The following LOC400499 variants were observed in gnomAD, a reference collection of about 807,000 sequenced individuals.
At chr16:11,423,060 G>C in the LOC400499 span, 1 of 398,398 alleles carries the variant, frequency 2.5e-6, no homozygotes, top group African/African-American at 2.1e-5. Flanking sequence ...AGTATCTCCT[G>C]GCAGCGAACT....
chr16:11,525,440 G>A, the LOC400499 span, among the ~76,000 whole-genome samples: 26 of 151,944 alleles, frequency 1.7e-4, no homozygotes, highest in African/African-American at 6.3e-4. Flanking sequence ...TAAATATTTT[G>A]GCACATCTAA....
the LOC400499 span, among the ~76,000 whole-genome samples, chr16:11,372,981 T>C: frequency 1.3e-5 from 2 of 152,162 alleles, no homozygotes; most frequent in Admixed American, 1.3e-4. Flanking sequence ...CTGAGTTCCT[T>C]GGAAATTGAA....
the LOC400499 span, among the ~76,000 whole-genome samples, chr16:11,428,740 C>T: frequency 6.6e-6 from 1 of 152,296 alleles, no homozygotes; most frequent in African/African-American, 2.4e-5. Flanking sequence ...CCCAGTAGGT[C>T]TCAGCCTCAT....
the LOC400499 span, chr16:11,372,639 C>T: frequency 1.7e-6 from 1 of 604,992 alleles, no homozygotes; most frequent in Non-Finnish European, 2.1e-6. Flanking sequence ...TATTCTGTCC[C>T]AGCCATGAAT....
chr16:11,495,730 C>T, the LOC400499 span, among the ~76,000 whole-genome samples: 1 of 152,204 alleles, frequency 6.6e-6, no homozygotes, highest in Non-Finnish European at 1.5e-5. Flanking sequence ...AGCCAGACTG[C>T]TGATAACATG....
chr16:11,433,729 T>C, the LOC400499 span, among the ~76,000 whole-genome samples: 39 of 152,270 alleles, frequency 2.6e-4, no homozygotes, highest in African/African-American at 8.2e-4. Flanking sequence ...TAAGCGGTCA[T>C]GCCCGCATGA....
chr16:11,384,407 T>C, the LOC400499 span: 14 of 734,318 alleles, frequency 1.9e-5, 1 homozygote, highest in African/African-American at 2.2e-4. Flanking sequence ...TCAGGACCTG[T>C]GTGTGAGATG....
chr16:11,460,438 G>C, the LOC400499 span: 8 of 1,492,238 alleles, frequency 5.4e-6, no homozygotes, highest in East Asian at 2.5e-5. Flanking sequence ...CCTGACTCTA[G>C]TGCTCTCTCC....
chr16:11,421,856 C>T, the LOC400499 span, among the ~76,000 whole-genome samples: 1 of 152,148 alleles, frequency 6.6e-6, no homozygotes, highest in South Asian at 2.1e-4. Flanking sequence ...CTTGCAAGCA[C>T]CAATGATTGT....
the LOC400499 span, among the ~76,000 whole-genome samples, chr16:11,517,439 T>A: frequency 6.6e-6 from 1 of 152,148 alleles, no homozygotes; most frequent in Non-Finnish European, 1.5e-5. Flanking sequence ...TTCCCTCCCC[T>A]ACAGATCCCA....
chr16:11,446,837 G>A, the LOC400499 span: 7 of 1,535,958 alleles, frequency 4.6e-6, no homozygotes, highest in Admixed American at 3.9e-5. Flanking sequence ...AGGGAATAGC[G>A]CTGGTGTCGC....
At chr16:11,373,631 A>AT in the LOC400499 span, among the ~76,000 whole-genome samples, 2 of 145,850 alleles carry the variant, frequency 1.4e-5, no homozygotes, top group African/African-American at 5.1e-5. Context: ...AGCTATTTAT[A>AT]TTTTTTGAGA....
chr16:11,384,926 G>A, the LOC400499 span: 11 of 1,232,078 alleles, frequency 8.9e-6, no homozygotes, highest in Middle Eastern at 3.1e-4. Context: ...GCAGAGGCCG[G>A]TGGGCACGTC....
the LOC400499 span, chr16:11,385,259 C>T: frequency 8.1e-7 from 1 of 1,232,322 alleles, no homozygotes; most frequent in Non-Finnish European, 1.0e-6. Context: ...GTTCCACGAA[C>T]AGGGCTGTGA....
At chr16:11,402,328 C>CTTTGTGTGTA in the LOC400499 span, 1 of 395,576 alleles carries the variant, frequency 2.5e-6, no homozygotes. Flanking sequence ...GCTACACACT[C>CTTTGTGTGTA]GCTTTGTCAC....
chr16:11,445,828 G>A, the LOC400499 span, among the ~76,000 whole-genome samples: 16 of 118,246 alleles, frequency 1.4e-4, no homozygotes, highest in Admixed American at 1.5e-3. Context: ...ACCCAGTCAG[G>A]AGAACCTTTT....
chr16:11,476,627 C>A, the LOC400499 span: 6 of 391,182 alleles, frequency 1.5e-5, no homozygotes, highest in African/African-American at 2.2e-5. Context: ...GTCACATCCA[C>A]ACCCATGCAC....
chr16:11,384,751 AC>A, the LOC400499 span: 1 of 720,688 alleles, frequency 1.4e-6, no homozygotes, highest in Admixed American at 4.3e-5. Context: ...TTGAGGGCAC[AC>A]GCGCTGCCAT....
the LOC400499 span, among the ~76,000 whole-genome samples, chr16:11,422,726 G>C: frequency 3.3e-5 from 5 of 152,180 alleles, no homozygotes; most frequent in African/African-American, 1.2e-4. Context: ...GCAGTGGTGG[G>C]AGGCAGACAG....
Sources: allele counts gnomAD v4.1 joint callset (sites outside exome capture counted in the v4.1 genomes callset), GRCh38; gene constraint gnomAD v4.1.1; transcripts MANE v1.5.